Variants in R3HDM2 observed in about 807,000 individuals in gnomAD.
R3HDM2 encodes R3H domain-containing protein 2.
In R3HDM2, 38 loss-of-function variants were observed where a neutral mutation model predicts 124.5. The observed-to-expected ratio is 0.31, with a 90% confidence interval of 0.24 to 0.40. The LOEUF is 0.40. Among genes scored for constraint, R3HDM2 ranks in the 10% least tolerant of loss-of-function variants. The pLI is 1.00. For synonymous variants in R3HDM2, 391 were observed against 448.0 expected (o/e 0.87, Z 1.61); for missense variants, 869 against 1,236.9 (o/e 0.70, Z 4.46).
intron 2 of R3HDM2, among the ~76,000 whole-genome samples, chr12:57,311,002 C>T (rs955392289): frequency 2.0e-5 from 3 of 152,052 alleles, no homozygotes; most frequent in Non-Finnish European, 4.4e-5. Flanking sequence ...CAGAAATTTG[C>T]GCACATTTCT....
At chr12:57,255,214 C>T in intron 23 of R3HDM2, 101 bp from the exon 24 acceptor site, 1 of 972,956 alleles carries the variant, frequency 1.0e-6, no homozygotes, top group Non-Finnish European at 1.5e-6. Flanking sequence ...AGTCTGTATA[C>T]AATGTCTTCA....
chr12:57,427,096 G>T (rs1017767966), intron 1 of R3HDM2, among the ~76,000 whole-genome samples: 11 of 152,010 alleles, frequency 7.2e-5, no homozygotes, highest in African/African-American at 2.7e-4. Flanking sequence ...TTCAAGACCA[G>T]CCTGACCAAC....
chr12:57,332,642 A>C (rs541957211), intron 2 of R3HDM2, among the ~76,000 whole-genome samples: 43 of 152,278 alleles, frequency 2.8e-4, no homozygotes, highest in South Asian at 6.2e-4. Context: ...AAACTGTGTG[A>C]ACTGAGATTC....
chr12:57,366,569 A>C (rs1594007801), intron 2 of R3HDM2, among the ~76,000 whole-genome samples: 1 of 152,170 alleles, frequency 6.6e-6, no homozygotes, highest in South Asian at 2.1e-4. Flanking sequence ...CTCATTACGG[A>C]CTGTGTTCTC....
intron 13 of R3HDM2, among the ~76,000 whole-genome samples, chr12:57,283,036 T>A (rs1281374594): frequency 6.6e-6 from 1 of 152,206 alleles, no homozygotes; most frequent in Non-Finnish European, 1.5e-5. Flanking sequence ...CATAGGAGTG[T>A]CTGCTCCTTT....
chr12:57,401,449 C>T (rs1286650938), intron 1 of R3HDM2, among the ~76,000 whole-genome samples: 2 of 152,144 alleles, frequency 1.3e-5, no homozygotes, highest in Non-Finnish European at 2.9e-5. Flanking sequence ...CCAACCAGCC[C>T]CTAGCTAACG....
intron 2 of R3HDM2, among the ~76,000 whole-genome samples, chr12:57,365,043 AC>A (rs1460825455): frequency 6.6e-6 from 1 of 150,556 alleles, no homozygotes; most frequent in African/African-American, 2.4e-5. Context: ...CAGGTGGATC[AC>A]CTGAGGTCAG....
At chr12:57,317,145 G>A (rs2055223470) in intron 2 of R3HDM2, among the ~76,000 whole-genome samples, 1 of 150,970 alleles carries the variant, frequency 6.6e-6, no homozygotes, top group Non-Finnish European at 1.5e-5. Flanking sequence ...GCCTCTCAAA[G>A]CGATTGGAAT....
intron 23 of R3HDM2, 22 bp downstream of exon 23, chr12:57,255,968 G>A: frequency 6.2e-7 from 1 of 1,603,144 alleles, no homozygotes; most frequent in Non-Finnish European, 8.5e-7. Flanking sequence ...TTCTCTTGGG[G>A]ATTCAGCATC....
chr12:57,318,024 T>C (rs1213177046), intron 2 of R3HDM2, among the ~76,000 whole-genome samples: 1 of 146,402 alleles, frequency 6.8e-6, no homozygotes, highest in African/African-American at 2.5e-5. Context: ...GCGAGGTGGC[T>C]CATGCCTGTA....
chr12:57,266,730 C>G lies in R3HDM2; in HGVS notation c.2131+1G>C. ...AGACCCACAGTTCCTTATCCTCTTA[C>G]CTGAGTACTGCTGTGGCATCTGTGG... On this transcript the variant is annotated splice_donor_variant, in intron 19 of 23. Transcript: ENST00000402412. LOFTEE classifies it high-confidence loss of function. 6.4e-7 allele frequency: 1 copy of G among 1,572,386 alleles called. No homozygotes were observed. Among genetic ancestry groups the G allele is most frequent in the Non-Finnish European group, 8.8e-7 (1 of 1,142,622 alleles).
chr12:57,316,644 G>A (rs1445223909), intron 2 of R3HDM2, among the ~76,000 whole-genome samples: 1 of 148,812 alleles, frequency 6.7e-6, no homozygotes, highest in African/African-American at 2.5e-5. Context: ...AGAGTACGGT[G>A]GTGAGATCTT....
At chr12:57,320,004 G>A (rs183995866) in intron 2 of R3HDM2, among the ~76,000 whole-genome samples, 9 of 152,086 alleles carry the variant, frequency 5.9e-5, no homozygotes, top group Admixed American at 3.3e-4. Flanking sequence ...AGTGGCTCAC[G>A]CCTGCAATCC....
At chr12:57,382,219 A>G (rs1405471980) in intron 2 of R3HDM2, among the ~76,000 whole-genome samples, 2 of 151,196 alleles carry the variant, frequency 1.3e-5, no homozygotes, top group African/African-American at 4.9e-5. Flanking sequence ...GGCTCAAGAG[A>G]TCCTCCTACC....
At chr12:57,371,347 A>AG (rs1232547417) in intron 2 of R3HDM2, among the ~76,000 whole-genome samples, 1 of 152,096 alleles carries the variant, frequency 6.6e-6, no homozygotes, top group African/African-American at 2.4e-5. Context: ...GACAGGATGC[A>AG]GAAAAAAATA....
chr12:57,386,038 A>T (rs4108243), intron 2 of R3HDM2, among the ~76,000 whole-genome samples: 6 of 152,058 alleles, frequency 3.9e-5, no homozygotes, highest in East Asian at 1.9e-4. Context: ...TTACAAAAAT[A>T]AAAAAAATGC....
intron 2 of R3HDM2, among the ~76,000 whole-genome samples, chr12:57,337,381 G>A (rs150883723): frequency 1.3e-5 from 2 of 152,114 alleles, no homozygotes; most frequent in East Asian, 3.9e-4. Flanking sequence ...TCGAACTCGG[G>A]CTCAAGGGAT....
intron 2 of R3HDM2, among the ~76,000 whole-genome samples, chr12:57,371,083 CT>C (rs775839017): frequency 0.14 from 5,490 of 39,758 alleles, 401 homozygotes; most frequent in East Asian, 0.19. Context: ...TATACCATTA[CT>C]TTTTTTTTTT....
At chr12:57,317,668 T>TA (rs562475743) in intron 2 of R3HDM2, among the ~76,000 whole-genome samples, 32,674 of 107,824 alleles carry the variant, frequency 0.3, 6,485 homozygotes, top group Middle Eastern at 0.63. Context: ...AGAAGATAGT[T>TA]AAAAAAAAAA....
Sources: allele counts gnomAD v4.1 joint callset (sites outside exome capture counted in the v4.1 genomes callset), GRCh38; gene constraint gnomAD v4.1.1; transcripts MANE v1.5; gene names NCBI Gene and HGNC (gene_info 2026-07-23, HGNC 2026-07-21).